The following FAM53C variants were observed in gnomAD, a reference collection of about 807,000 sequenced individuals.
FAM53C encodes the protein protein FAM53C.
Under a neutral mutation model 34.7 loss-of-function variants are expected in FAM53C, and 10 were observed. The ratio of observed to expected loss-of-function variants is 0.29; its 90% CI spans 0.18 to 0.49. FAM53C has a LOEUF of 0.49. FAM53C is among the 20% of genes least tolerant of loss of function. The pLI, the probability that FAM53C is intolerant of heterozygous loss-of-function variation, is 0.99. For missense variants in FAM53C, 442 were observed against 515.3 expected, an observed-to-expected ratio of 0.86 and a Z score of 1.38; for synonymous variants, 203 against 203.6, an observed-to-expected ratio of 1.00 and a Z score of 0.03.
intron 3 of FAM53C, among the ~76,000 whole-genome samples, chr5:138,343,338 C>T (rs904257787): frequency 2.6e-5 from 4 of 151,440 alleles, no homozygotes; most frequent in Admixed American, 6.6e-5. Flanking sequence ...GGTGAAACCC[C>T]GTCTCTATTA....
At chr5:138,341,074 T>C in intron 1 of FAM53C, 110 bp from the exon 2 acceptor site, 1 of 559,440 alleles carries the variant, frequency 1.8e-6, no homozygotes, top group Non-Finnish European at 3.4e-6. Flanking sequence ...TCAATTGATG[T>C]CTGCCAGAGG....
rs1761211124 is a variant in FAM53C, at chr5:138,347,371, AGTGT to A, written c.*416_*419del. ...AGCCTCCTCAGAGAAACTGCGTGAG[AGTGT>A]GTGCGTGCATGGGAGTGTACTTGTG... On this transcript the variant is annotated 3_prime_UTR_variant, in exon 5 of 5. Coordinates refer to ENST00000239906, the MANE Select transcript of FAM53C (RefSeq NM_016605.3). 3.8e-6 allele frequency: 1 copy of A among 263,790 alleles called. No homozygotes were observed. The allele number at this position is 263,790 out of a possible 1,614,324, so 16.3% of individuals were successfully genotyped here.
chr5:138,341,135 A>G, intron 1 of FAM53C, 49 bp from the exon 2 acceptor site: 1 of 686,038 alleles, frequency 1.5e-6, no homozygotes, highest in Non-Finnish European at 2.7e-6. Context: ...CCATCTCTGG[A>G]CCAGGTGCAT....
At chr5:138,341,911 C>G in intron 3 of FAM53C, 45 bp downstream of exon 3, 3 of 1,577,294 alleles carry the variant, frequency 1.9e-6, no homozygotes, top group East Asian at 4.5e-5. Flanking sequence ...ACCCATTCCT[C>G]TCTCCACACA....
chr5:138,344,837 G>A lies in FAM53C; in HGVS notation c.149G>A (p.Trp50Ter). Residue 50 changes from tryptophan to a stop codon, truncating the protein, a stop_gained, in exon 4 of 5, where the codon TGG becomes TAG. Coordinates refer to ENST00000239906, the MANE Select transcript of FAM53C (RefSeq NM_016605.3). LOFTEE classifies it high-confidence loss of function. The stretch of plus-strand genomic sequence containing the variant: ...AAATGCCTTCCAGAAGGTGCTTCCT[G>A]GAGGGGCCTGCCCCACTGTTCCTGT... ...SFQLVSEGAS[W>*]RGLPHCSCAE... 2 of 1,545,224 alleles carry A rather than the reference G, an allele frequency of 1.3e-6. No individual in the cohort carries two copies. The highest frequency in any genetic ancestry group is 2.2e-5 in the Admixed American group (1 of 46,470).
At position 138,345,161 on chromosome 5, in the gene FAM53C, T is replaced by G. The variant is rs776795786; in HGVS notation, c.473T>G (p.Val158Gly). The change falls in exon 4 of 5, where the codon GTG (valine) becomes GGG (glycine). Residue 158 changes from valine to glycine, a missense_variant. By Grantham distance (109) the Val-to-Gly change is moderately radical. Transcript: ENST00000239906. The surrounding 1 kb of genome is among the most constrained non-coding windows in gnomAD (Gnocchi z 6.3). Reference protein sequence around the residue: ...RGSGGGGGPQVPHQSPPKRVS... With the variant: ...RGSGGGGGPQGPHQSPPKRVS... The stretch of plus-strand genomic sequence containing the variant: ...AGTGGTGGAGGGGGTGGGCCGCAGG[T>G]GCCTCACCAGAGCCCCCCAAAGCGG... The G allele has an allele frequency of 2.5e-6, 4 of 1,614,114 alleles. No homozygotes were observed. In the South Asian group the frequency reaches 4.4e-5, roughly 18 times the overall value.
In FAM53C at chr5:138,349,729, A is replaced by G. The variant is rs1008718089; in HGVS notation, c.*2770A>G. The G allele has an allele frequency of 6.6e-5, 10 of 152,244 alleles. No individual in the cohort carries two copies. Among genetic ancestry groups the G allele is most frequent in the Admixed American group, 1.3e-4 (2 of 15,284 alleles). 9.4% of individuals were successfully genotyped at this position (152,244 alleles called of 1,614,324 possible). A position where few individuals can be genotyped will look rare whatever the true frequency, so the allele number is the denominator to read the frequency against. On this transcript the variant is annotated 3_prime_UTR_variant, in exon 5 of 5. Transcript: ENST00000239906. ...TTAGAATAATCCATTTTCCCAAGCA[A>G]CCTTGTGTACTACAGTGTCTTCTTC...
Position 138,341,872 on chromosome 5 carries a change from G to A in FAM53C, c.136+6G>A. The A allele has an allele frequency of 1.2e-6, 2 of 1,613,856 alleles. No individual in the cohort carries two copies. Among genetic ancestry groups the A allele is most frequent in the Middle Eastern group, 1.6e-4 (1 of 6,062 alleles). On this transcript the variant is annotated splice_donor_region_variant and intron_variant, in intron 3 of 4. Transcript: ENST00000239906. ...CTCTTTCCAGCTTGTGTCTGGTAAG[G>A]CATCGTGTGTGTTTGTGTACGTGTG...
At chr5:138,340,052 G>C (rs1760988780) in intron 1 of FAM53C, among the ~76,000 whole-genome samples, 1 of 152,160 alleles carries the variant, frequency 6.6e-6, no homozygotes, top group African/African-American at 2.4e-5. Flanking sequence ...CATTACTTCT[G>C]ACATTCTGAG....
Position 138,347,273 on chromosome 5 carries a change from G to A in FAM53C, c.*314G>A. ...GAAGGGGTCTGCCGACCCCAGCTCG[G>A]GGAATTTCACTAGCCCCTTTGCTTC... On this transcript the variant is annotated 3_prime_UTR_variant, in exon 5 of 5. Transcript: ENST00000239906. The A allele has an allele frequency of 2.5e-6, 1 of 395,664 alleles. No homozygotes were observed. The highest frequency in any genetic ancestry group is 2.6e-5 in the South Asian group (1 of 37,888). The allele number at this position is 395,664 out of a possible 1,614,324, so 24.5% of individuals were successfully genotyped here. A position where few individuals can be genotyped will look rare whatever the true frequency, so the allele number is the denominator to read the frequency against.
At chr5:138,339,896 G>C (rs534045697) in intron 1 of FAM53C, among the ~76,000 whole-genome samples, 1 of 152,204 alleles carries the variant, frequency 6.6e-6, no homozygotes, top group Non-Finnish European at 1.5e-5. Context: ...GAGTGGGGTA[G>C]AGATAATTCC....
chr5:138,338,114 AGACACTTTGAGAGAGACAC>A (rs1447074560), upstream of FAM53C: 1 of 1,289,624 alleles, frequency 7.8e-7, no homozygotes, highest in African/African-American at 1.5e-5. Context: ...GCTGTCCGAG[AGACACTTTGAGAGAGACAC>A]GACACGGAGC....
upstream of FAM53C, chr5:138,338,239 G>A: frequency 8.5e-7 from 1 of 1,175,266 alleles, no homozygotes; most frequent in South Asian, 1.3e-5. Flanking sequence ...CGCCTTTTAA[G>A]GGCACCGTGG....
chr5:138,344,488 CT>C (rs766676075), intron 3 of FAM53C, among the ~76,000 whole-genome samples: 1 of 152,198 alleles, frequency 6.6e-6, no homozygotes, highest in Non-Finnish European at 1.5e-5. Flanking sequence ...CTTCTTTTAC[CT>C]TTGAGAGGGA....
In FAM53C at chr5:138,345,366, A is replaced by G. The variant is rs1761141290; in HGVS notation, c.678A>G (p.Pro226=). 1.2e-6 allele frequency: 2 copies of G among 1,613,468 alleles called. No individual in the cohort carries two copies. The highest frequency in any genetic ancestry group is 1.7e-6 in the Non-Finnish European group (2 of 1,179,916). The stretch of plus-strand genomic sequence containing the variant: ...ATGCTGAGTCCTTGTCACCTTGCCC[A>G]CCTCAGCGCCGCTTCTCCCTGTCAC... ...ESDAESLSPC[P]PQRRFSLSPS... The change falls in exon 4 of 5, where the codon CCA becomes CCG. Residue 226 remains proline, a synonymous_variant. Coordinates refer to ENST00000239906, the MANE Select transcript of FAM53C (RefSeq NM_016605.3). The surrounding 1 kb of genome is among the most constrained non-coding windows in gnomAD (Gnocchi z 6.3).
At chr5:138,340,308 T>G (rs1404127429) in intron 1 of FAM53C, among the ~76,000 whole-genome samples, 1 of 152,258 alleles carries the variant, frequency 6.6e-6, no homozygotes, top group Non-Finnish European at 1.5e-5. Context: ...GACTAGCTAA[T>G]GCTACACACA....
At chr5:138,341,926 T>A in intron 3 of FAM53C, 60 bp downstream of exon 3, 1 of 1,549,208 alleles carries the variant, frequency 6.5e-7, no homozygotes, top group Non-Finnish European at 8.9e-7. Context: ...CACACATTTC[T>A]ATCATTGGTT....
chr5:138,337,824 T>G (rs1171900337), upstream of FAM53C: 2 of 484,160 alleles, frequency 4.1e-6, no homozygotes, highest in Non-Finnish European at 6.9e-6. Context: ...TTCGAAGAGG[T>G]GGTCGTGGAG....
chr5:138,338,203 C>T (rs766585607), upstream of FAM53C: 10 of 1,279,284 alleles, frequency 7.8e-6, no homozygotes, highest in Non-Finnish European at 1.0e-5. Flanking sequence ...CCCTACTCTC[C>T]TCAGGGACTC....
Sources: allele counts gnomAD v4.1 joint callset (sites outside exome capture counted in the v4.1 genomes callset), GRCh38; gene constraint gnomAD v4.1.1; non-coding constraint Gnocchi (gnomAD v3.1); transcripts MANE v1.5; gene names NCBI Gene and HGNC (gene_info 2026-07-23, HGNC 2026-07-21).